The following BNC2 variants were observed in gnomAD, a reference collection of about 807,000 sequenced individuals.
The protein encoded by BNC2 is zinc finger protein basonuclin-2.
In BNC2, 20 loss-of-function variants were observed where a neutral mutation model predicts 76.3. The observed-to-expected ratio is 0.26, with a 90% CI of 0.18 to 0.38. The LOEUF (loss-of-function observed/expected upper bound fraction) is 0.38, where lower values mean the gene tolerates loss of function less well. Among genes scored for constraint, BNC2 ranks in the 10% least tolerant of loss-of-function variants. BNC2 has a pLI of 1.00. For synonymous variants in BNC2, 582 were observed against 514.8 expected (o/e 1.13, Z -1.77); for missense variants, 1,382 against 1,399.8 (o/e 0.99, Z 0.20).
chr9:16,870,581 C>T lies in BNC2; in HGVS notation c.3+65G>A, dbSNP rs1036091285. 27 of 1,588,684 alleles carry T rather than the reference C, an allele frequency of 1.7e-5. No individual in the cohort carries two copies. In the Admixed American group the frequency reaches 4.2e-4, roughly 24 times the overall value. ...GCCCCCGGGCGGCCCCGGTGGCGCT[C>T]GGGCGCGGGGGTCATTTCTGAGGAA... On this transcript the variant is annotated intron_variant, in intron 1 of 6. Transcript: ENST00000380672.
At chr9:16,848,573 G>A (rs913460697) in intron 1 of BNC2, among the ~76,000 whole-genome samples, 1 of 152,094 alleles carries the variant, frequency 6.6e-6, no homozygotes, top group African/African-American at 2.4e-5. Flanking sequence ...TCAGGTTTTG[G>A]TCCAGCAGAA....
At chr9:16,432,788 G>C (rs1820932175) in intron 6 of BNC2, among the ~76,000 whole-genome samples, 1 of 152,140 alleles carries the variant, frequency 6.6e-6, no homozygotes, top group African/African-American at 2.4e-5. Context: ...TGTTTGAGAA[G>C]GTCTGTTGGC....
At chr9:16,725,217 TCACACACACA>T (rs4007689) in intron 3 of BNC2, among the ~76,000 whole-genome samples, 13 of 148,160 alleles carry the variant, frequency 8.8e-5, no homozygotes, top group Admixed American at 4.7e-4. Context: ...TCTCTCTCTC[TCACACACACA>T]CACACACACA....
intron 5 of BNC2, among the ~76,000 whole-genome samples, chr9:16,450,673 C>T (rs1000397582): frequency 6.6e-6 from 1 of 152,216 alleles, no homozygotes; most frequent in African/African-American, 2.4e-5. Context: ...TAGAAACATG[C>T]ATGTACACCA....
chr9:16,629,458 T>G (rs1821096987), intron 3 of BNC2, among the ~76,000 whole-genome samples: 1 of 152,162 alleles, frequency 6.6e-6, no homozygotes, highest in Admixed American at 6.5e-5. Flanking sequence ...TTTGTGTGTT[T>G]GGGGGAGTTC....
At chr9:16,870,287 A>C (rs1586949820) in intron 1 of BNC2, among the ~76,000 whole-genome samples, 4 of 142,508 alleles carry the variant, frequency 2.8e-5, no homozygotes, top group Non-Finnish European at 3.1e-5. Context: ...ACTCCCCTCC[A>C]CCTCGTCCCC....
intron 3 of BNC2, among the ~76,000 whole-genome samples, chr9:16,640,949 C>T (rs1254764462): frequency 6.6e-6 from 1 of 152,134 alleles, no homozygotes; most frequent in East Asian, 1.9e-4. Context: ...AGTACGTTCA[C>T]AGCTCTAGAA....
chr9:16,637,531 TATATA>T (rs1351061614), intron 3 of BNC2, among the ~76,000 whole-genome samples: 2 of 152,216 alleles, frequency 1.3e-5, no homozygotes, highest in Non-Finnish European at 2.9e-5. Context: ...ATCACAACAG[TATATA>T]ATAAACTCTG....
intron 1 of BNC2, among the ~76,000 whole-genome samples, chr9:16,793,747 G>A (rs1179995586): frequency 7.3e-6 from 1 of 136,896 alleles, no homozygotes; most frequent in African/African-American, 2.7e-5. Context: ...CTCATTGCAA[G>A]CTCCGCCTCC....
At chr9:16,526,901 T>A (rs911603683) in intron 5 of BNC2, among the ~76,000 whole-genome samples, 1 of 152,142 alleles carries the variant, frequency 6.6e-6, no homozygotes, top group African/African-American at 2.4e-5. Context: ...TAGAGCATAA[T>A]AAGAAATAAA....
At chr9:16,755,903 C>T (rs952511910) in intron 1 of BNC2, among the ~76,000 whole-genome samples, 2 of 152,126 alleles carry the variant, frequency 1.3e-5, no homozygotes, top group Non-Finnish European at 2.9e-5. Context: ...AATCTGAGTC[C>T]TTACTCTAAC....
chr9:16,651,021 T>C (rs146094330), intron 3 of BNC2, among the ~76,000 whole-genome samples: 2,594 of 152,258 alleles, frequency 0.017, 34 homozygotes, highest in Non-Finnish European at 0.025. Context: ...CCAGAAAGGA[T>C]AGTAACTGTT....
At chr9:16,463,772 T>C (rs1821640913) in intron 5 of BNC2, among the ~76,000 whole-genome samples, 1 of 151,772 alleles carries the variant, frequency 6.6e-6, no homozygotes, top group Non-Finnish European at 1.5e-5. Flanking sequence ...AAGACAAAAA[T>C]AGGGTCAGGC....
At position 16,683,602 on chromosome 9, in the gene BNC2, A is replaced by C. The variant is rs114505848; in HGVS notation, c.330+44195T>G. Among the ~76,000 whole-genome samples, 969 of 152,314 alleles carry C rather than the reference A, an allele frequency of 6.4e-3. 18 individuals carry two copies. The highest frequency in any genetic ancestry group is 0.022 in the African/African-American group (925 of 41,572). The stretch of plus-strand genomic sequence containing the variant: ...AGAAATGGCTCATTCTCTAGGAAAA[A>C]ATTTAAAAAGGACTAGGACACATGA... On this transcript the variant is annotated intron_variant, in intron 3 of 6. Coordinates refer to ENST00000380672, the MANE Select transcript of BNC2 (RefSeq NM_017637.6).
chr9:16,583,503 A>G (rs777704395), intron 3 of BNC2, among the ~76,000 whole-genome samples: 3 of 152,202 alleles, frequency 2.0e-5, no homozygotes, highest in African/African-American at 4.8e-5. Flanking sequence ...ATGTTTGTGA[A>G]AGTAAAATAT....
chr9:16,473,859 C>T (rs1821874986), intron 5 of BNC2, among the ~76,000 whole-genome samples: 3 of 151,732 alleles, frequency 2.0e-5, no homozygotes, highest in Middle Eastern at 3.4e-3. Flanking sequence ...GGCAACACAG[C>T]GAGACTCTGT....
At chr9:16,762,164 T>C (rs1186231071) in intron 1 of BNC2, among the ~76,000 whole-genome samples, 1 of 152,140 alleles carries the variant, frequency 6.6e-6, no homozygotes, top group Non-Finnish European at 1.5e-5. Flanking sequence ...TGATCCTCTA[T>C]TTTTTCATGG....
At chr9:16,672,448 G>A (rs978214605) in intron 3 of BNC2, among the ~76,000 whole-genome samples, 4 of 152,140 alleles carry the variant, frequency 2.6e-5, no homozygotes, top group African/African-American at 9.7e-5. Flanking sequence ...AGTGAGCAGA[G>A]ATCGTGCCAC....
At chr9:16,803,331 T>C (rs1817827980) in intron 1 of BNC2, among the ~76,000 whole-genome samples, 1 of 152,214 alleles carries the variant, frequency 6.6e-6, no homozygotes, top group African/African-American at 2.4e-5. Flanking sequence ...AGTCATGCTA[T>C]ATTTCACCTA....
Sources: allele counts gnomAD v4.1 joint callset (sites outside exome capture counted in the v4.1 genomes callset), GRCh38; gene constraint gnomAD v4.1.1; transcripts MANE v1.5; gene names NCBI Gene and HGNC (gene_info 2026-07-23, HGNC 2026-07-21).